ESYT2: variants seen among roughly 807,000 people sequenced by gnomAD.
ESYT2 encodes extended synaptotagmin-2.
A neutral mutation model predicts 107.2 loss-of-function variants in ESYT2; 54 were observed. The observed-to-expected ratio is 0.50, with a 90% CI of 0.40 to 0.63. The LOEUF is 0.63. Ranked by LOEUF, ESYT2 falls within the 30% of genes least tolerant of loss-of-function variation. The pLI is 0.00. For synonymous variants in ESYT2, 491 were observed against 434.1 expected (o/e 1.13, Z -1.63); for missense variants, 1,020 against 1,094.5 (o/e 0.93, Z 0.96).
chr7:158,753,545 A>C (rs1237450765), intron 13 of ESYT2, among the ~76,000 whole-genome samples: 1 of 151,808 alleles, frequency 6.6e-6, no homozygotes, highest in African/African-American at 2.4e-5. Flanking sequence ...TAAAGAATTT[A>C]TCATTTTAGT....
intron 1 of ESYT2, among the ~76,000 whole-genome samples, chr7:158,823,379 T>C (rs527778974): frequency 1.5e-4 from 20 of 135,930 alleles, no homozygotes; most frequent in African/African-American, 5.5e-4. Flanking sequence ...CAGGCTGGAG[T>C]GCAGTGGTGC....
intron 13 of ESYT2, among the ~76,000 whole-genome samples, chr7:158,755,514 A>G (rs1282878045): frequency 1.3e-5 from 2 of 152,234 alleles, no homozygotes; most frequent in Non-Finnish European, 2.9e-5. Context: ...TATTGGAGAT[A>G]AACTAACAGT....
chr7:158,754,622 C>T (rs1837691894), intron 13 of ESYT2, among the ~76,000 whole-genome samples: 1 of 152,140 alleles, frequency 6.6e-6, no homozygotes, highest in African/African-American at 2.4e-5. Context: ...ATGTTTAAGG[C>T]ATTAGTGCAA....
chr7:158,735,707 A>T, intron 20 of ESYT2, 99 bp from the exon 21 acceptor site: 1 of 1,037,758 alleles, frequency 9.6e-7, no homozygotes. Flanking sequence ...TCCAAATGTC[A>T]TGTTTGTTTT....
At chr7:158,791,599 T>C (rs1839295754) in intron 4 of ESYT2, among the ~76,000 whole-genome samples, 1 of 152,244 alleles carries the variant, frequency 6.6e-6, no homozygotes, top group South Asian at 2.1e-4. Context: ...GGGTTTCTTT[T>C]GACAGTAGCC....
chr7:158,769,707 C>T (rs1026334899), intron 7 of ESYT2, among the ~76,000 whole-genome samples: 1 of 152,154 alleles, frequency 6.6e-6, no homozygotes, highest in African/African-American at 2.4e-5. Flanking sequence ...ACGACTTCAA[C>T]ACTCAGCTTA....
At chr7:158,738,683 C>A (rs1837074517) in intron 19 of ESYT2, among the ~76,000 whole-genome samples, 1 of 152,136 alleles carries the variant, frequency 6.6e-6, no homozygotes. Context: ...GAACTCCAGA[C>A]CTCAGGTGAT....
At chr7:158,782,138 A>AGTGTGAGTGAACAAGT (rs56929624) in intron 6 of ESYT2, among the ~76,000 whole-genome samples, 1 of 148,922 alleles carries the variant, frequency 6.7e-6, no homozygotes. Context: ...AACGAGAACA[A>AGTGTGAGTGAACAAGT]GTGAGTGAAC....
intron 17 of ESYT2, among the ~76,000 whole-genome samples, chr7:158,742,423 C>G (rs3750053): frequency 0.24 from 36,039 of 152,172 alleles, 5,157 homozygotes; most frequent in East Asian, 0.59. Context: ...TCTTCCGTTT[C>G]CATGTATTTC....
intron 1 of ESYT2, among the ~76,000 whole-genome samples, chr7:158,823,928 G>C (rs928778784): frequency 6.6e-6 from 1 of 152,042 alleles, no homozygotes; most frequent in African/African-American, 2.4e-5. Flanking sequence ...TTATATTTCA[G>C]TCCTAGCTCT....
chr7:158,750,639 T>C (rs1837552803), intron 14 of ESYT2, among the ~76,000 whole-genome samples: 1 of 152,134 alleles, frequency 6.6e-6, no homozygotes, highest in African/African-American at 2.4e-5. Context: ...TGTGAATGAA[T>C]TCTGCAAAAT....
chr7:158,798,158 A>C, intron 2 of ESYT2, 82 bp from the exon 3 acceptor site: 1 of 1,451,634 alleles, frequency 6.9e-7, no homozygotes, highest in Non-Finnish European at 9.5e-7. Context: ...AACCCTCGCA[A>C]CAGACCAAAC....
intron 1 of ESYT2, among the ~76,000 whole-genome samples, chr7:158,814,780 C>G (rs1840104094): frequency 6.6e-6 from 1 of 152,200 alleles, no homozygotes; most frequent in South Asian, 2.1e-4. Flanking sequence ...CTGAGTATGG[C>G]CAGGCGGGTA....
chr7:158,761,396 G>A (rs369682300), intron 11 of ESYT2, 100 bp downstream of exon 11: 22 of 965,298 alleles, frequency 2.3e-5, no homozygotes, highest in African/African-American at 9.8e-5. Flanking sequence ...TTAGGATTCC[G>A]GCACTGTGTG....
intron 1 of ESYT2, among the ~76,000 whole-genome samples, chr7:158,815,907 AAAGTGCTGG>A (rs1158393358): frequency 6.6e-6 from 1 of 152,212 alleles, no homozygotes; most frequent in Non-Finnish European, 1.5e-5. Context: ...CGGCACGGGG[AAAGTGCTGG>A]AACTAAGCCT....
chr7:158,765,250 C>T (rs1180677905), intron 8 of ESYT2, among the ~76,000 whole-genome samples: 1 of 152,030 alleles, frequency 6.6e-6, no homozygotes, highest in African/African-American at 2.4e-5. Context: ...CACAGGCCAC[C>T]CAGCTGTACT....
chr7:158,744,719 T>C (rs1837339657), intron 16 of ESYT2, among the ~76,000 whole-genome samples: 1 of 152,176 alleles, frequency 6.6e-6, no homozygotes, highest in Non-Finnish European at 1.5e-5. Flanking sequence ...ATTATTCCTG[T>C]TAGATGGCTG....
chr7:158,769,463 T>C (rs1250648997), intron 7 of ESYT2, among the ~76,000 whole-genome samples: 1 of 152,206 alleles, frequency 6.6e-6, no homozygotes, highest in African/African-American at 2.4e-5. Flanking sequence ...ACACCCTGCA[T>C]GTCCCCGAAC....
chr7:158,750,679 A>G (rs1274880475), intron 14 of ESYT2, among the ~76,000 whole-genome samples: 2 of 152,212 alleles, frequency 1.3e-5, no homozygotes, highest in Admixed American at 6.5e-5. Context: ...TTCCAAGGCT[A>G]CAGATTACTG....
Sources: gnomAD v4.1 joint callset for allele counts (sites outside exome capture counted in the v4.1 genomes callset) on GRCh38, gnomAD v4.1.1 for gene constraint, MANE v1.5 for transcripts, NCBI Gene and HGNC (gene_info 2026-07-23, HGNC 2026-07-21) for gene names.